The following TIA1 variants were observed in gnomAD, a reference collection of about 807,000 sequenced individuals.
TIA1 encodes the protein cytotoxic granule associated RNA binding protein TIA1.
TIA1 carries 23 observed loss-of-function variants against 65.9 expected under a neutral mutation model. The observed-to-expected ratio is 0.35, with a 90% CI of 0.25 to 0.49. The LOEUF (loss-of-function observed/expected upper bound fraction) is 0.49, where lower values mean the gene tolerates loss of function less well. Ranked by LOEUF, TIA1 falls within the 20% of genes least tolerant of loss-of-function variation. TIA1 has a pLI of 0.98. For synonymous variants in TIA1, 147 were observed against 149.4 expected (o/e 0.98, Z 0.12); for missense variants, 371 against 477.9 (o/e 0.78, Z 2.09).
chr2:70,236,383 G>C (rs375879035), intron 1 of TIA1, among the ~76,000 whole-genome samples: 10 of 152,072 alleles, frequency 6.6e-5, no homozygotes, highest in African/African-American at 2.2e-4. Flanking sequence ...ATTTTTAGTA[G>C]AGACGGGGTT....
At chr2:70,232,358 T>A (rs953054141) in intron 2 of TIA1, among the ~76,000 whole-genome samples, 1 of 149,300 alleles carries the variant, frequency 6.7e-6, no homozygotes, top group Non-Finnish European at 1.5e-5. Context: ...CTGACCAACA[T>A]GGTGAAACCC....
At chr2:70,217,562 TC>T (rs1679207382) in intron 7 of TIA1, among the ~76,000 whole-genome samples, 3 of 152,050 alleles carry the variant, frequency 2.0e-5, no homozygotes, top group African/African-American at 7.2e-5. Flanking sequence ...CACGCCTGGC[TC>T]ATTTTTTGTA....
At chr2:70,233,482 CT>C (rs1265359315) in intron 2 of TIA1, among the ~76,000 whole-genome samples, 6 of 152,160 alleles carry the variant, frequency 3.9e-5, no homozygotes, top group Non-Finnish European at 8.8e-5. Context: ...GAAAAAGTCA[CT>C]TGCGGCTGGC....
Position 70,230,851 on chromosome 2 carries a change from C to A in TIA1, c.127G>T (p.Ala43Ser), listed in dbSNP as rs1273159918. 1 of 1,607,908 alleles carries A rather than the reference C, an allele frequency of 6.2e-7. No homozygotes were observed. Among genetic ancestry groups the A allele is most frequent in the South Asian group, 1.1e-5 (1 of 89,390 alleles). The part of the protein sequence containing the change: ...CKNCKMIMDT[A>S]GNDPYCFVEF... ...ACAAAACAATAGGGATCATTTCCAG[C>A]TGTCTGTGGGAGAAGAAACACAAAA... is the stretch of plus-strand genomic sequence containing the variant. Residue 43 changes from alanine (A) to serine (S), a missense_variant, in exon 3 of 13, where the codon GCT (alanine) becomes TCT (serine). Coordinates refer to ENST00000433529, the MANE Select transcript of TIA1 (RefSeq NM_022173.4).
intron 7 of TIA1, among the ~76,000 whole-genome samples, chr2:70,223,930 T>G (rs1287595080): frequency 6.6e-6 from 1 of 151,994 alleles, no homozygotes; most frequent in Non-Finnish European, 1.5e-5. Context: ...ATTTATTTAT[T>G]TATTTTTTGA....
Position 70,229,966 on chromosome 2 carries a change from C to T in TIA1, c.223-648G>A, listed in dbSNP as rs565597885. On this transcript the variant is annotated intron_variant, in intron 3 of 12. Transcript: ENST00000433529. Reference sequence around the variant, plus strand: ...AAAAAAAAACAAAAAAACCTGGGGACGGTGGCTCACGCCTGTAATCGCAGC... The same window carrying T: ...AAAAAAAAACAAAAAAACCTGGGGATGGTGGCTCACGCCTGTAATCGCAGC... Among the ~76,000 whole-genome samples, 4 of 149,862 alleles carry T rather than the reference C, an allele frequency of 2.7e-5. No individual in the cohort carries two copies. In the South Asian group the frequency reaches 8.4e-4, roughly 32 times the overall value.
intron 2 of TIA1, among the ~76,000 whole-genome samples, chr2:70,235,519 G>T (rs1558903853): frequency 6.7e-6 from 1 of 148,978 alleles, no homozygotes; most frequent in Admixed American, 6.7e-5. Context: ...ATGATTCAGG[G>T]TTAACACCAA....
In TIA1 at chr2:70,235,796, CAT is replaced by C. The variant is rs547045652; in HGVS notation, c.123+281_123+282del. Among the ~76,000 whole-genome samples the C allele has an allele frequency of 1.4e-3, 208 of 152,152 alleles. 4 individuals are homozygous for C. The South Asian group carries it at 0.04, about 29-fold the overall frequency. On this transcript the variant is annotated intron_variant, in intron 2 of 12. Coordinates refer to ENST00000433529, the MANE Select transcript of TIA1 (RefSeq NM_022173.4). ...ATGCCTCAATGCACCTGAAAGAGCC[CAT>C]ATATATGTTCCCATCTGATCTAGAA... is the stretch of plus-strand genomic sequence containing the variant.
chr2:70,224,532 A>G (rs767079843), intron 7 of TIA1, 22 bp downstream of exon 7: 8 of 1,613,960 alleles, frequency 5.0e-6, no homozygotes, highest in Non-Finnish European at 5.9e-6. Flanking sequence ...AGCATTATCC[A>G]TGCACTTCTC....
chr2:70,213,275 A>G (rs1380104851), intron 12 of TIA1, among the ~76,000 whole-genome samples: 4 of 152,162 alleles, frequency 2.6e-5, no homozygotes, highest in Non-Finnish European at 4.4e-5. Flanking sequence ...CTCAAAGAAG[A>G]AATCAAAACA....
intron 1 of TIA1, among the ~76,000 whole-genome samples, chr2:70,248,177 G>A (rs993355712): frequency 1.3e-5 from 2 of 152,202 alleles, no homozygotes; most frequent in Admixed American, 6.5e-5. Flanking sequence ...GTCATGCAAT[G>A]GTGTTGCTAA....
intron 7 of TIA1, among the ~76,000 whole-genome samples, chr2:70,221,303 C>T (rs1330852866): frequency 1.3e-5 from 2 of 151,570 alleles, no homozygotes; most frequent in African/African-American, 2.4e-5. Context: ...CCATGCCTGG[C>T]CTTTTTTTAA....
At chr2:70,241,776 T>C (rs1691877431) in intron 1 of TIA1, among the ~76,000 whole-genome samples, 1 of 151,918 alleles carries the variant, frequency 6.6e-6, no homozygotes, top group South Asian at 2.1e-4. Context: ...GCACCGTCTC[T>C]ACAAAAAATA....
rs2289920 is a variant in TIA1 at position 70,215,660 on chromosome 2, T to C, written c.765-166A>G. 46,301 of 613,682 alleles carry C rather than the reference T, an allele frequency of 0.075. 2,076 individuals are homozygous for C. The highest frequency in any genetic ancestry group is 0.17 in the East Asian group (5,732 of 33,032). The allele number at this position is 613,682 out of a possible 1,614,324, so 38.0% of individuals were successfully genotyped here. Reference sequence around the variant, plus strand: ...GATCTTGTAGTTCTGGGGCAACTTGTGTTAACAAAGAATGTGTGTTTCACT... The same window carrying C: ...GATCTTGTAGTTCTGGGGCAACTTGCGTTAACAAAGAATGTGTGTTTCACT... On this transcript the variant is annotated intron_variant, in intron 10 of 12. Coordinates refer to ENST00000433529, the MANE Select transcript of TIA1 (RefSeq NM_022173.4).
In TIA1 at chr2:70,224,643, C is replaced by A. The variant is rs747295298; in HGVS notation, c.399-14G>T. Reference sequence around the variant, plus strand: ...ACTCGGGCATCTCTGAAATCAGAAACAATCAGAAGTTTAGGTTTGCAAACT... The same window carrying A: ...ACTCGGGCATCTCTGAAATCAGAAAAAATCAGAAGTTTAGGTTTGCAAACT... On this transcript the variant is annotated splice_polypyrimidine_tract_variant and intron_variant, in intron 6 of 12. Coordinates refer to ENST00000433529, the MANE Select transcript of TIA1 (RefSeq NM_022173.4). The A allele has an allele frequency of 1.2e-5, 20 of 1,612,630 alleles. No homozygotes were observed. Among genetic ancestry groups the A allele is most frequent in the Non-Finnish European group, 1.7e-5 (20 of 1,179,448 alleles).
chr2:70,244,364 G>A (rs1377312103), intron 1 of TIA1, among the ~76,000 whole-genome samples: 1 of 151,964 alleles, frequency 6.6e-6, no homozygotes, highest in Non-Finnish European at 1.5e-5. Context: ...ATGTAAATTC[G>A]TAAAAGGCCT....
intron 10 of TIA1, among the ~76,000 whole-genome samples, chr2:70,215,947 G>A (rs1366783149): frequency 6.6e-6 from 1 of 152,024 alleles, no homozygotes; most frequent in Non-Finnish European, 1.5e-5. Flanking sequence ...GTAGAGACGG[G>A]GTTTCACAAT....
intron 1 of TIA1, among the ~76,000 whole-genome samples, chr2:70,245,493 C>T (rs903596215): frequency 6.6e-6 from 1 of 152,192 alleles, no homozygotes; most frequent in Non-Finnish European, 1.5e-5. Context: ...TAGTGTGTAG[C>T]TTTTAGTTCA....
At chr2:70,241,692 T>C (rs985677135) in intron 1 of TIA1, among the ~76,000 whole-genome samples, 1 of 151,272 alleles carries the variant, frequency 6.6e-6, no homozygotes, top group Non-Finnish European at 1.5e-5. Context: ...GTAAACCCAG[T>C]GCTTTGGGAG....
Sources: gnomAD v4.1 joint callset for allele counts (sites outside exome capture counted in the v4.1 genomes callset) on GRCh38, gnomAD v4.1.1 for gene constraint, MANE v1.5 for transcripts, NCBI Gene and HGNC (gene_info 2026-07-23, HGNC 2026-07-21) for gene names.